The following SP4 variants were observed in gnomAD, a reference collection of about 807,000 sequenced individuals.
SP4 encodes the protein Sp4 transcription factor.
Under a neutral mutation model 72.8 loss-of-function variants are expected in SP4, and 19 were observed. That is an observed-to-expected ratio of 0.26 (90% CI 0.18 to 0.38). The LOEUF (loss-of-function observed/expected upper bound fraction) is 0.38. Ranked by LOEUF, SP4 falls within the 10% of genes least tolerant of loss-of-function variation. The pLI is 1.00. For synonymous variants in SP4, 395 were observed against 333.1 expected, an observed-to-expected ratio of 1.19 and a Z score of -2.02; for missense variants, 1,008 against 926.3, an observed-to-expected ratio of 1.09 and a Z score of -1.14.
intron 5 of SP4, among the ~76,000 whole-genome samples, chr7:21,494,691 C>T (rs1490096209): frequency 6.6e-6 from 1 of 152,110 alleles, no homozygotes; most frequent in African/African-American, 2.4e-5. Context: ...ATATTGTTTC[C>T]ATGTAATTTC....
intron 5 of SP4, among the ~76,000 whole-genome samples, chr7:21,493,630 C>G (rs1785033902): frequency 6.6e-6 from 1 of 152,078 alleles, no homozygotes; most frequent in Non-Finnish European, 1.5e-5. Context: ...TACAAGCTAC[C>G]AACACTGGCT....
rs141917563 is a variant in SP4, at chr7:21,454,800, A to G, written c.1679-22279A>G. On this transcript the variant is annotated intron_variant, in intron 3 of 5. Transcript: ENST00000222584. ...TAGCTTTCTGAAGAGAAATGGGGCTATTAGACAGATGAATTCACAGGTTGG... is the reference window on the plus strand; with the variant it reads ...TAGCTTTCTGAAGAGAAATGGGGCTGTTAGACAGATGAATTCACAGGTTGG... Among the ~76,000 whole-genome samples the G allele has an allele frequency of 4.9e-3, 746 of 152,296 alleles. 1 individual carries two copies. Among genetic ancestry groups the G allele is most frequent in the Non-Finnish European group, 8.0e-3 (546 of 68,016 alleles).
chr7:21,459,838 T>C (rs958823716), intron 3 of SP4, among the ~76,000 whole-genome samples: 2 of 152,270 alleles, frequency 1.3e-5, no homozygotes, highest in African/African-American at 4.8e-5. Flanking sequence ...CTACTAAGTC[T>C]AAGCACAAGG....
At chr7:21,445,404 C>T (rs1783389272) in intron 3 of SP4, among the ~76,000 whole-genome samples, 1 of 152,116 alleles carries the variant, frequency 6.6e-6, no homozygotes, top group African/African-American at 2.4e-5. Flanking sequence ...AATTTATGTT[C>T]TTTAGCTAAT....
chr7:21,491,415 G>A (rs1265432284), intron 5 of SP4, among the ~76,000 whole-genome samples: 3 of 152,092 alleles, frequency 2.0e-5, no homozygotes, highest in Non-Finnish European at 2.9e-5. Context: ...GGATTGCAGG[G>A]ATCTGTGGGA....
intron 3 of SP4, among the ~76,000 whole-genome samples, chr7:21,464,798 A>G (rs570647228): frequency 4.5e-4 from 68 of 152,324 alleles, no homozygotes; most frequent in Non-Finnish European, 8.4e-4. Context: ...AATGTAGAAT[A>G]AAAGTTGGTG....
In SP4 at chr7:21,512,855, G is replaced by T. The variant is rs1782184116; in HGVS notation, c.*1586G>T. 6.6e-6 allele frequency: 1 copy of T among 152,516 alleles called. No individual in the cohort carries two copies. The highest frequency in any genetic ancestry group is 2.4e-5 in the African/African-American group (1 of 41,396). 9.4% of individuals were successfully genotyped at this position (152,516 alleles called of 1,614,324 possible). On this transcript the variant is annotated 3_prime_UTR_variant, in exon 6 of 6. Coordinates refer to ENST00000222584, the MANE Select transcript of SP4 (RefSeq NM_003112.5). ...TGGGATTACAGGCATGAGCCACCAT[G>T]CCCGGCTAGGAAAGGGTCTTACTAG...
intron 5 of SP4, among the ~76,000 whole-genome samples, chr7:21,488,476 T>G (rs1784881620): frequency 1.1e-5 from 1 of 91,040 alleles, no homozygotes; most frequent in African/African-American, 6.0e-5. Flanking sequence ...TGGACTTCCT[T>G]TCCTTTTTTT....
Position 21,511,219 on chromosome 7 carries a change from G to A in SP4, c.2305G>A (p.Asp769Asn). The change falls in exon 6 of 6, where the codon GAT (aspartate) becomes AAT (asparagine). Residue 769 changes from aspartate to asparagine, a missense_variant. Physicochemically the swap from Asp to Asn is conservative, Grantham distance 23. This residue lies in a region of SP4 where 67 missense variants were observed against 66.1 expected (regional missense o/e 1.01). Transcript: ENST00000222584. ...TGTCACAGTTGCAGCCATTTCTCAA[G>A]ATTCGAATCCAGCAACTCCCAATGT... is the stretch of plus-strand genomic sequence containing the variant. ...RIVTVAAISQ[D>N]SNPATPNVST... is the part of the protein sequence containing the mutation. 1.2e-6 allele frequency: 2 copies of A among 1,614,146 alleles called. No individual in the cohort carries two copies.
At chr7:21,441,099 C>G (rs1783231697) in intron 3 of SP4, among the ~76,000 whole-genome samples, 1 of 152,090 alleles carries the variant, frequency 6.6e-6, no homozygotes, top group Non-Finnish European at 1.5e-5. Flanking sequence ...GCATGGAAAA[C>G]AAGTGTGAGA....
rs1013256869 is a variant in SP4 at position 21,430,052 on chromosome 7, A to G, written c.887A>G (p.Asn296Ser). ...GCTACTGCTGATAGTGGGACTTCCA[A>G]TGGGAATCAATTAGTTTCCACACCC... ...PAATADSGTSNGNQLVSTPTN... is the reference protein window; with the variant it reads ...PAATADSGTSSGNQLVSTPTN... Residue 296 changes from asparagine (N) to serine (S), a missense_variant, in exon 3 of 6, where the codon AAT (asparagine) becomes AGT (serine). This residue lies in a region of SP4 where 893 missense variants were observed against 743.3 expected (regional missense o/e 1.20). Coordinates refer to ENST00000222584, the MANE Select transcript of SP4 (RefSeq NM_003112.5). 1 of 1,614,152 alleles carries G rather than the reference A, an allele frequency of 6.2e-7. No homozygotes were observed. Among genetic ancestry groups the G allele is most frequent in the Non-Finnish European group, 8.5e-7 (1 of 1,180,028 alleles).
Position 21,511,358 on chromosome 7 carries a change from G to A in SP4, c.*89G>A. On this transcript the variant is annotated 3_prime_UTR_variant, in exon 6 of 6. Transcript: ENST00000222584. ...ATGGGCTGGTCAAGTGGATTACAGAGTAGGAAATTATGTTTTCATTCTTGG... is the reference window on the plus strand; with the variant it reads ...ATGGGCTGGTCAAGTGGATTACAGAATAGGAAATTATGTTTTCATTCTTGG... 7.7e-7 allele frequency: 1 copy of A among 1,297,442 alleles called. No homozygotes were observed. The highest frequency in any genetic ancestry group is 1.1e-6 in the Non-Finnish European group (1 of 940,006). The allele number at this position is 1,297,442 out of a possible 1,614,324, so 80.4% of individuals were successfully genotyped here. A position where few individuals can be genotyped will look rare whatever the true frequency, so the allele number is the denominator to read the frequency against.
At position 21,466,849 on chromosome 7, in the gene SP4, A is replaced by G. The variant is rs537939896; in HGVS notation, c.1679-10230A>G. On this transcript the variant is annotated intron_variant, in intron 3 of 5. Transcript: ENST00000222584. ...TCTCTCTAGTCATATGTCTGTCAAA[A>G]CTGTCACAGCCTATTCCCAAATGTA... Among the ~76,000 whole-genome samples, 48 of 152,092 alleles carry G rather than the reference A, an allele frequency of 3.2e-4. 1 individual carries two copies. In the South Asian group the frequency reaches 9.8e-3, roughly 31 times the overall value.
rs1020640440 is a variant in SP4, at chr7:21,501,045, C to T, written c.2108-9977C>T. Among the ~76,000 whole-genome samples the T allele has an allele frequency of 3.3e-5, 5 of 152,078 alleles. No homozygotes were observed. The East Asian group carries it at 7.7e-4, about 23-fold the overall frequency. ...TAATTTACCTCCTAGCATGCAAATCCCTCCCCTAGTTCCTCATAGGTCGAG... is the reference window on the plus strand; with the variant it reads ...TAATTTACCTCCTAGCATGCAAATCTCTCCCCTAGTTCCTCATAGGTCGAG... On this transcript the variant is annotated intron_variant, in intron 5 of 5. Coordinates refer to ENST00000222584, the MANE Select transcript of SP4 (RefSeq NM_003112.5).
intron 3 of SP4, among the ~76,000 whole-genome samples, chr7:21,460,489 A>G (rs893160144): frequency 6.6e-6 from 1 of 152,108 alleles, no homozygotes. Context: ...CCAAAGAGTG[A>G]GCAGCAGCAA....
At chr7:21,507,016 G>A (rs575519061) in intron 5 of SP4, among the ~76,000 whole-genome samples, 1 of 152,054 alleles carries the variant, frequency 6.6e-6, no homozygotes, top group Non-Finnish European at 1.5e-5. Flanking sequence ...GCCTGGGAGG[G>A]TGTTGCCTCT....
intron 3 of SP4, among the ~76,000 whole-genome samples, chr7:21,443,179 C>T (rs1209389575): frequency 2.0e-5 from 3 of 152,118 alleles, no homozygotes; most frequent in Non-Finnish European, 4.4e-5. Context: ...TTTTTTCTCA[C>T]ACCTTGATGA....
chr7:21,488,084 T>C (rs1334749242), intron 5 of SP4, among the ~76,000 whole-genome samples: 1 of 152,076 alleles, frequency 6.6e-6, no homozygotes, highest in East Asian at 1.9e-4. Context: ...AGGCTGGTGT[T>C]GAACTCCTGA....
At chr7:21,489,838 G>A (rs564189052) in intron 5 of SP4, among the ~76,000 whole-genome samples, 1 of 151,986 alleles carries the variant, frequency 6.6e-6, no homozygotes, top group Non-Finnish European at 1.5e-5. Flanking sequence ...GATTACAGGC[G>A]TGAGCCACTG....
Sources: allele counts gnomAD v4.1 joint callset (sites outside exome capture counted in the v4.1 genomes callset), GRCh38; gene constraint gnomAD v4.1.1; regional missense constraint gnomAD v4.1.1; transcripts MANE v1.5; gene names NCBI Gene and HGNC (gene_info 2026-07-23, HGNC 2026-07-21).